The following BRF1 variants were observed in gnomAD, a reference collection of about 807,000 sequenced individuals.
BRF1 encodes transcription factor IIIB 90 kDa subunit.
A neutral mutation model predicts 81.7 loss-of-function variants in BRF1; 59 were observed. The observed-to-expected ratio is 0.72, with a 90% confidence interval of 0.59 to 0.90. The LOEUF (loss-of-function observed/expected upper bound fraction) is 0.90, where lower values mean the gene tolerates loss of function less well. Ranked by LOEUF, BRF1 falls within the 40% of genes least tolerant of loss-of-function variation. BRF1 has a pLI of 0.00. For synonymous variants in BRF1, 491 were observed against 395.6 expected, an observed-to-expected ratio of 1.24 and a Z score of -2.86; for missense variants, 1,050 against 936.3, an observed-to-expected ratio of 1.12 and a Z score of -1.58.
At chr14:105,212,476 CCTCACT>C (rs1890277198) in intron 15 of BRF1, 1 of 366,630 alleles carries the variant, frequency 2.7e-6, no homozygotes, top group Non-Finnish European at 5.1e-6. Context: ...TGGTGCCCTA[CCTCACT>C]CAGGGAGGAG....
At chr14:105,293,010 C>T (rs1427287479) in intron 1 of BRF1, among the ~76,000 whole-genome samples, 1 of 152,228 alleles carries the variant, frequency 6.6e-6, no homozygotes, top group Admixed American at 6.5e-5. Flanking sequence ...CTTCCTCCCT[C>T]ACCCAGATGG....
At chr14:105,241,218 G>A in intron 6 of BRF1, 47 bp downstream of exon 6, 1 of 1,599,502 alleles carries the variant, frequency 6.3e-7, no homozygotes, top group African/African-American at 1.3e-5. Context: ...AAAGTGTGAG[G>A]CCAGGACCCA....
chr14:105,223,969 A>G (rs1892699683), intron 10 of BRF1, among the ~76,000 whole-genome samples: 1 of 152,222 alleles, frequency 6.6e-6, no homozygotes, highest in African/African-American at 2.4e-5. Flanking sequence ...CGCACCCAAT[A>G]GTTTAACGAT....
In BRF1 at chr14:105,217,632, C is replaced by T. The variant is rs773312664; in HGVS notation, c.1684G>A (p.Glu562Lys). Residue 562 changes from glutamate (E) to lysine (K), a missense_variant, in exon 15 of 18, where the codon GAG becomes AAG. Transcript: ENST00000547530. Reference protein sequence around the residue: ...GSPHREDAQPEHSASARKLSR... With the variant: ...GSPHREDAQPKHSASARKLSR... ...AGCTTCCTGGCACTGGCGCTATGCT[C>T]GGGCTGTGCATCCTCCCTGTGCGGA... The T allele has an allele frequency of 1.3e-5, 21 of 1,613,248 alleles. No individual in the cohort carries two copies. The highest frequency in any genetic ancestry group is 1.1e-4 in the East Asian group (5 of 44,896).
At chr14:105,225,946 G>T (rs998699203) in intron 10 of BRF1, 123 bp downstream of exon 10, 141 of 1,047,730 alleles carry the variant, frequency 1.3e-4, no homozygotes, top group Admixed American at 5.0e-4. Context: ...CTGCCCGGTG[G>T]TAAACTTACA....
chr14:105,241,560 C>G, intron 5 of BRF1, 146 bp from the exon 6 acceptor site: 2 of 1,033,150 alleles, frequency 1.9e-6, no homozygotes, highest in Admixed American at 2.4e-5. Flanking sequence ...TGGACAAAGC[C>G]TCTCTGACCC....
chr14:105,305,029 G>A (rs587697974), upstream of BRF1, among the ~76,000 whole-genome samples: 27 of 152,326 alleles, frequency 1.8e-4, no homozygotes, highest in East Asian at 1.9e-4. Flanking sequence ...GCCCCAAGGC[G>A]ATGGTTTTAG....
intron 12 of BRF1, chr14:105,219,767 C>T: frequency 7.8e-6 from 4 of 509,778 alleles, no homozygotes; most frequent in East Asian, 3.3e-5. Context: ...AGAGACCCCT[C>T]GAGGGGCTGC....
chr14:105,294,187 G>A (rs955743040), intron 1 of BRF1, among the ~76,000 whole-genome samples: 4 of 152,166 alleles, frequency 2.6e-5, no homozygotes, highest in Non-Finnish European at 5.9e-5. Context: ...CACCACCTGC[G>A]CCGGTCCCCA....
At chr14:105,229,027 C>A (rs77453682) in intron 6 of BRF1, 114 bp from the exon 7 acceptor site, 5 of 934,734 alleles carry the variant, frequency 5.3e-6, no homozygotes, top group Non-Finnish European at 8.6e-6. Flanking sequence ...CCTGAGAAGA[C>A]GTGTCTGTGC....
intron 15 of BRF1, 180 bp downstream of exon 15, chr14:105,217,364 G>T: frequency 1.0e-6 from 1 of 970,434 alleles, no homozygotes; most frequent in Non-Finnish European, 1.5e-6. Context: ...GCCAAGGAGA[G>T]TTGAGACACT....
At chr14:105,293,019 G>A (rs1349955169) in intron 1 of BRF1, among the ~76,000 whole-genome samples, 1 of 152,184 alleles carries the variant, frequency 6.6e-6, no homozygotes, top group Non-Finnish European at 1.5e-5. Context: ...TCACCCAGAT[G>A]GCAACGGGAC....
In BRF1 at chr14:105,256,548, G is replaced by A. The variant is rs143926126; in HGVS notation, c.441C>T (p.His147=). 5 of 1,613,592 alleles carry A rather than the reference G, an allele frequency of 3.1e-6. No individual in the cohort carries two copies. The highest frequency in any genetic ancestry group is 1.3e-5 in the African/African-American group (1 of 74,944). ...YLVCRTEGTP[H]MLLDLSDLLQ... ...GCAGGTCGCTGAGGTCCAGGAGCAT[G>A]TCTGCAGCAGGAGTCAAGGATCCTG... Residue 147 remains histidine (H), a splice_region_variant and synonymous_variant, in exon 4 of 18, where the codon CAC becomes CAT. Coordinates refer to ENST00000547530, the MANE Select transcript of BRF1 (RefSeq NM_001519.4).
At chr14:105,242,419 C>G (rs1162811857) in intron 5 of BRF1, 1 of 151,970 alleles carries the variant, frequency 6.6e-6, no homozygotes, top group Admixed American at 6.6e-5. Flanking sequence ...ATCATCGCAG[C>G]TAGAAATAAA....
In BRF1 at chr14:105,290,368, G is replaced by A. The variant is rs587643183; in HGVS notation, c.185-3992C>T. Among the ~76,000 whole-genome samples, 51 of 152,242 alleles carry A rather than the reference G, an allele frequency of 3.3e-4. No individual in the cohort carries two copies. The South Asian group carries it at 8.1e-3, about 24-fold the overall frequency. On this transcript the variant is annotated intron_variant, in intron 1 of 17. Coordinates refer to ENST00000547530, the MANE Select transcript of BRF1 (RefSeq NM_001519.4). ...TGGGAGGCAGAGGTTGTGGTGAGCC[G>A]AGATCGCGCCATTGCACTCCAGCCT...
chr14:105,303,228 C>G (rs1301088772), upstream of BRF1, among the ~76,000 whole-genome samples: 9 of 151,924 alleles, frequency 5.9e-5, no homozygotes, highest in Non-Finnish European at 4.4e-5. Context: ...TGCACCCGGC[C>G]CCTTTTTCTA....
At chr14:105,228,751 G>C (rs2054223319) in intron 7 of BRF1, 69 bp downstream of exon 7, 2 of 1,553,420 alleles carry the variant, frequency 1.3e-6, no homozygotes, top group Non-Finnish European at 1.8e-6. Context: ...GCCTGCTCTG[G>C]CAAGCAGGCC....
intron 5 of BRF1, among the ~76,000 whole-genome samples, chr14:105,245,471 G>A (rs1471997368): frequency 1.3e-5 from 2 of 152,074 alleles, no homozygotes; most frequent in African/African-American, 2.4e-5. Context: ...GGACTAATAA[G>A]AAAAAGAAGC....
chr14:105,217,536 G>A lies in BRF1; in HGVS notation c.1772+8C>T, dbSNP rs1263852393. On this transcript the variant is annotated splice_region_variant and intron_variant, in intron 15 of 17. Coordinates refer to ENST00000547530, the MANE Select transcript of BRF1 (RefSeq NM_001519.4). The stretch of plus-strand genomic sequence containing the variant: ...GCCCTAACCCAGCCACTCAGGACAG[G>A]ATGGTACCTTTTCCCCACACTGGTC... 6.2e-7 allele frequency: 1 copy of A among 1,612,252 alleles called. No homozygotes were observed. The highest frequency in any genetic ancestry group is 1.3e-5 in the African/African-American group (1 of 74,926).
Sources: allele counts gnomAD v4.1 joint callset (sites outside exome capture counted in the v4.1 genomes callset), GRCh38; gene constraint gnomAD v4.1.1; transcripts MANE v1.5; gene names NCBI Gene and HGNC (gene_info 2026-07-23, HGNC 2026-07-21).